The following CEACAM7 variants were observed in gnomAD, a reference collection of about 807,000 sequenced individuals.
CEACAM7 encodes CEA cell adhesion molecule 7.
Under a neutral mutation model 25.7 loss-of-function variants are expected in CEACAM7, and 24 were observed. The ratio of observed to expected loss-of-function variants is 0.93; its 90% CI spans 0.68 to 1.31. The LOEUF (loss-of-function observed/expected upper bound fraction) is 1.31, where lower values mean the gene tolerates loss of function less well. CEACAM7 is among the 40% of genes most tolerant of loss of function. CEACAM7 has a pLI of 0.00. For synonymous variants in CEACAM7, 144 were observed against 129.4 expected (o/e 1.11, Z -0.77); for missense variants, 324 against 330.1 (o/e 0.98, Z 0.14).
At chr19:41,675,942 A>G (rs1374755289) in intron 4 of CEACAM7, among the ~76,000 whole-genome samples, 2 of 152,286 alleles carry the variant, frequency 1.3e-5, no homozygotes, top group Non-Finnish European at 2.9e-5. Context: ...ATATAATTTA[A>G]CATATCAATT....
At chr19:41,683,425 C>T (rs939613444) in intron 3 of CEACAM7, among the ~76,000 whole-genome samples, 2 of 152,208 alleles carry the variant, frequency 1.3e-5, no homozygotes, top group Admixed American at 6.5e-5. Context: ...AAGTGATGTC[C>T]TCAGAGGGAA....
chr19:41,683,836 G>C lies in CEACAM7; in HGVS notation c.655C>G (p.Gln219Glu), dbSNP rs1555810911. The C allele has an allele frequency of 6.2e-7, 1 of 1,614,072 alleles. No individual in the cohort carries two copies. The highest frequency in any genetic ancestry group is 8.5e-7 in the Non-Finnish European group (1 of 1,180,034). ...CTGCGGCTGGCACCCACTGGGTTCT[G>C]TATTTCACATTCATAGGGTCCTATG... ...NDIGPYECEI[Q>E]NPVGASRSDP... is the part of the protein sequence containing the mutation. Residue 219 changes from glutamine to glutamate, a missense_variant, in exon 3 of 5, where the codon CAG (glutamine) becomes GAG (glutamate). Coordinates refer to ENST00000401731, the MANE Select transcript of CEACAM7 (RefSeq NM_001291485.2).
At chr19:41,678,924 A>T (rs1555810403) in intron 3 of CEACAM7, among the ~76,000 whole-genome samples, 1 of 152,264 alleles carries the variant, frequency 6.6e-6, no homozygotes, top group Non-Finnish European at 1.5e-5. Context: ...ACATACATTT[A>T]AAAAGAAGAA....
chr19:41,682,597 CA>C (rs782325497), intron 3 of CEACAM7, among the ~76,000 whole-genome samples: 1 of 152,198 alleles, frequency 6.6e-6, no homozygotes, highest in Non-Finnish European at 1.5e-5. Flanking sequence ...ACAGGTCGCC[CA>C]AGCACCTTCT....
Position 41,683,867 on chromosome 19 carries a change from C to T in CEACAM7, c.624G>A (p.Lys208=), listed in dbSNP as rs782283542. ...CACATTCATAGGGTCCTATGTCATT[C>T]TTTGTGGCGCTGAGTAGAACGAGGG... ...NRTLVLLSAT[K]NDIGPYECEI... is the part of the protein sequence containing the mutation. The change falls in exon 3 of 5, where the codon AAG becomes AAA. Residue 208 remains lysine, a synonymous_variant. Transcript: ENST00000401731. 10 of 1,614,218 alleles carry T rather than the reference C, an allele frequency of 6.2e-6. No individual in the cohort carries two copies. Among genetic ancestry groups the T allele is most frequent in the Non-Finnish European group, 7.6e-6 (9 of 1,180,040 alleles).
intron 3 of CEACAM7, among the ~76,000 whole-genome samples, chr19:41,679,968 ATTTTTTT>A (rs35163344): frequency 1.5e-3 from 103 of 68,874 alleles, no homozygotes; most frequent in African/African-American, 5.2e-3. Context: ...CACCTGGCTA[ATTTTTTT>A]TTTTTTTTTT....
chr19:41,688,101 C>A lies in CEACAM7; in HGVS notation c.64+1G>T, dbSNP rs141024482. The A allele has an allele frequency of 3.0e-3, 4,820 of 1,610,532 alleles. 14 individuals carry two copies. Among genetic ancestry groups the A allele is most frequent in the Non-Finnish European group, 3.4e-3 (4,023 of 1,177,990 alleles). ...CCACTCCCAGGAAGTCCTCCCCTCA[C>A]CTGTGAGCAGGAGCCCCTGCCAGGG... is the stretch of plus-strand genomic sequence containing the variant. On this transcript the variant is annotated splice_donor_variant, in intron 1 of 4. Coordinates refer to ENST00000401731, the MANE Select transcript of CEACAM7 (RefSeq NM_001291485.2). LOFTEE classifies it high-confidence loss of function.
At chr19:41,675,225 T>C (rs559471623) in intron 4 of CEACAM7, among the ~76,000 whole-genome samples, 1 of 152,344 alleles carries the variant, frequency 6.6e-6, no homozygotes, top group South Asian at 2.1e-4. Flanking sequence ...ACTATTTTCA[T>C]AACAATGTGA....
At chr19:41,678,906 C>T (rs79648610) in intron 3 of CEACAM7, among the ~76,000 whole-genome samples, 1,766 of 152,214 alleles carry the variant, frequency 0.012, 32 homozygotes, top group African/African-American at 0.041. Flanking sequence ...AAATGTATAA[C>T]TATAAATACA....
chr19:41,683,633 C>A, intron 3 of CEACAM7, 152 bp downstream of exon 3: 1 of 1,350,770 alleles, frequency 7.4e-7, no homozygotes, highest in East Asian at 2.3e-5. Flanking sequence ...TGGGTCTGCC[C>A]AGGTTTGCTT....
chr19:41,677,326 G>T, intron 4 of CEACAM7, 50 bp downstream of exon 4: 2 of 978,898 alleles, frequency 2.0e-6, no homozygotes, highest in Non-Finnish European at 3.2e-6. Flanking sequence ...CCCAAGCATG[G>T]CAGTCAGCCC....
At chr19:41,688,029 C>T (rs1042348633) in intron 1 of CEACAM7, 73 bp downstream of exon 1, 2 of 1,384,728 alleles carry the variant, frequency 1.4e-6, no homozygotes, top group Non-Finnish European at 2.0e-6. Flanking sequence ...CTCAGAGCCC[C>T]GTCCTCCCAA....
chr19:41,675,997 AG>A (rs1473387496), intron 4 of CEACAM7, among the ~76,000 whole-genome samples: 1 of 152,206 alleles, frequency 6.6e-6, no homozygotes, highest in African/African-American at 2.4e-5. Context: ...TGGATTACTG[AG>A]TTCAGGGCAT....
rs1177530764 is a variant in CEACAM7, at chr19:41,673,436, G to T, written c.*1340C>A. The T allele has an allele frequency of 6.6e-6, 1 of 152,212 alleles. No individual in the cohort carries two copies. The highest frequency in any genetic ancestry group is 1.5e-5 in the Non-Finnish European group (1 of 68,044). 9.4% of individuals were successfully genotyped at this position (152,212 alleles called of 1,614,324 possible). ...TTTGTAAAATGGGAATCCAGGAACA[G>T]AAGAATATAAATAAATTGATTTAAA... On this transcript the variant is annotated 3_prime_UTR_variant, in exon 5 of 5. Coordinates refer to ENST00000401731, the MANE Select transcript of CEACAM7 (RefSeq NM_001291485.2).
intron 3 of CEACAM7, among the ~76,000 whole-genome samples, chr19:41,682,615 A>T (rs149191245): frequency 2.6e-5 from 4 of 151,922 alleles, no homozygotes; most frequent in African/African-American, 4.8e-5. Context: ...TTCTCCACAC[A>T]CCCAGGTCCC....
intron 3 of CEACAM7, among the ~76,000 whole-genome samples, chr19:41,682,449 C>A (rs899972941): frequency 6.6e-6 from 1 of 152,316 alleles, no homozygotes; most frequent in East Asian, 1.9e-4. Flanking sequence ...GTGTCCACAG[C>A]GTCATACAGC....
Position 41,677,477 on chromosome 19 carries a change from C to A in CEACAM7, c.733G>T (p.Asp245Tyr), listed in dbSNP as rs1555810243. 1 of 1,613,984 alleles carries A rather than the reference C, an allele frequency of 6.2e-7. No homozygotes were observed. Residue 245 changes from aspartate (D) to tyrosine (Y), a missense_variant, in exon 4 of 5, where the codon GAC (aspartate) becomes TAC (tyrosine). Asp to Tyr is a radical substitution (Grantham distance 160). Transcript: ENST00000401731. ...RYESVQASSPDLSAGTAVSIM... is the reference protein window; with the variant it reads ...RYESVQASSPYLSAGTAVSIM... ...CTGACAGCGGTCCCAGCTGAGAGGT[C>A]AGGTGAACTTGCTTGTACTGACTCA...
rs2072088187 is a variant in CEACAM7 at position 41,673,844 on chromosome 19, G to T, written c.*932C>A. The T allele has an allele frequency of 6.6e-6, 1 of 152,168 alleles. No homozygotes were observed. 9.4% of individuals were successfully genotyped at this position (152,168 alleles called of 1,614,324 possible). A position where few individuals can be genotyped will look rare whatever the true frequency, so the allele number is the denominator to read the frequency against. Reference sequence around the variant, plus strand: ...TTTGACATTTGACGAATGGCTGCATGCAAACATTTAAAGGTTTTAGAGAAT... The same window carrying T: ...TTTGACATTTGACGAATGGCTGCATTCAAACATTTAAAGGTTTTAGAGAAT... On this transcript the variant is annotated 3_prime_UTR_variant, in exon 5 of 5. Transcript: ENST00000401731.
rs1001704078 is a variant in CEACAM7 at position 41,687,173 on chromosome 19, A to G, written c.113T>C (p.Ile38Thr). The G allele has an allele frequency of 5.6e-6, 9 of 1,613,632 alleles. No homozygotes were observed. Among genetic ancestry groups the G allele is most frequent in the African/African-American group, 1.3e-5 (1 of 75,000 alleles). Reference sequence around the variant, plus strand: ...TGCGACATTGAACGGCACGACATCAATATTGGTCTGGGCACTGTTTGGCAG... The same window carrying G: ...TGCGACATTGAACGGCACGACATCAGTATTGGTCTGGGCACTGTTTGGCAG... Reference protein sequence around the residue: ...WNLPNSAQTNIDVVPFNVAEG... With the variant: ...WNLPNSAQTNTDVVPFNVAEG... Residue 38 changes from isoleucine (I) to threonine (T), a missense_variant, in exon 2 of 5, where the codon ATT (isoleucine) becomes ACT (threonine). Ile to Thr is a moderately conservative substitution (Grantham distance 89). Transcript: ENST00000401731.
Sources: gnomAD v4.1 joint callset for allele counts (sites outside exome capture counted in the v4.1 genomes callset) on GRCh38, gnomAD v4.1.1 for gene constraint, MANE v1.5 for transcripts, NCBI Gene and HGNC (gene_info 2026-07-23, HGNC 2026-07-21) for gene names.